ADGRF1: variants seen among roughly 807,000 people sequenced by gnomAD.
ADGRF1 encodes G protein-coupled receptor 110.
A neutral mutation model predicts 87.2 loss-of-function variants in ADGRF1; 85 were observed. The observed-to-expected ratio is 0.97, with a 90% CI of 0.82 to 1.17. The LOEUF is 1.17. ADGRF1 is among the 50% of genes most tolerant of loss of function. The pLI is 0.00. For missense variants in ADGRF1, 1,169 were observed against 1,077.2 expected, an observed-to-expected ratio of 1.09 and a Z score of -1.19; for synonymous variants, 430 against 408.8, an observed-to-expected ratio of 1.05 and a Z score of -0.63.
At chr6:47,040,012 G>T (rs9463288) in intron 1 of ADGRF1, among the ~76,000 whole-genome samples, 57,652 of 151,850 alleles carry the variant, frequency 0.38, 11,071 homozygotes, top group Middle Eastern at 0.56. Context: ...ATAAAACCAT[G>T]TATCTATCCA....
intron 13 of ADGRF1, among the ~76,000 whole-genome samples, chr6:47,003,487 A>T (rs1779421281): frequency 6.6e-6 from 1 of 152,210 alleles, no homozygotes; most frequent in Non-Finnish European, 1.5e-5. Context: ...GTCTGAATAG[A>T]AAACATTTGC....
At position 46,999,269 on chromosome 6, in the gene ADGRF1, A is replaced by G. The variant is rs564473047; in HGVS notation, c.*953T>C. On this transcript the variant is annotated 3_prime_UTR_variant, in exon 15 of 15. Transcript: ENST00000371253. ...AAAGAAAATAAGGATGTTTTAAGGT[A>G]CCTCCCTGGAAGCTGACAACCAAAT... The G allele has an allele frequency of 4.6e-5, 7 of 152,228 alleles. No homozygotes were observed. The East Asian group carries it at 1.4e-3, about 29-fold the overall frequency. The allele number at this position is 152,228 out of a possible 1,614,324, so 9.4% of individuals were successfully genotyped here.
At chr6:47,014,950 T>C (rs1779821541) in intron 8 of ADGRF1, 106 bp from the exon 9 acceptor site, 1 of 1,389,302 alleles carries the variant, frequency 7.2e-7, no homozygotes, top group Admixed American at 3.2e-5. Context: ...TTTTTGGAGA[T>C]GAAATCCAGG....
At chr6:47,014,867 A>G (rs1779818674) in intron 8 of ADGRF1, 23 bp from the exon 9 acceptor site, 1 of 1,576,946 alleles carries the variant, frequency 6.3e-7, no homozygotes, top group South Asian at 1.2e-5. Flanking sequence ...GAAAACAACA[A>G]AGAAAAATGA....
chr6:47,009,899 G>T lies in ADGRF1; in HGVS notation c.1536C>A (p.Asn512Lys). 1 of 1,614,130 alleles carries T rather than the reference G, an allele frequency of 6.2e-7. No homozygotes were observed. Among genetic ancestry groups the T allele is most frequent in the Non-Finnish European group, 8.5e-7 (1 of 1,179,974 alleles). ...NGPVISTVIQ[N>K]YSINEVFLFF... Reference sequence around the variant, plus strand: ...ATAGGAAAACTTCATTTATGGAATAGTTTTGAATAACCGTGGATATCACAG... The same window carrying T: ...ATAGGAAAACTTCATTTATGGAATATTTTTGAATAACCGTGGATATCACAG... Residue 512 changes from asparagine to lysine, a missense_variant, in exon 11 of 15, where the codon AAC becomes AAA. Asn to Lys is a moderately conservative substitution (Grantham distance 94). Transcript: ENST00000371253.
intron 9 of ADGRF1, 134 bp from the exon 10 acceptor site, chr6:47,012,329 G>C (rs1489128662): frequency 1.4e-6 from 2 of 1,410,802 alleles, no homozygotes; most frequent in Non-Finnish European, 1.9e-6. Flanking sequence ...CATAACAATA[G>C]TAACAAAGGC....
intron 7 of ADGRF1, chr6:47,020,440 G>T: frequency 8.9e-7 from 1 of 1,122,266 alleles, no homozygotes; most frequent in Non-Finnish European, 1.3e-6. Flanking sequence ...AGGTTGCAGG[G>T]TTGCAGTGAG....
chr6:47,038,042 G>A (rs1259096489), intron 1 of ADGRF1, among the ~76,000 whole-genome samples: 2 of 152,080 alleles, frequency 1.3e-5, no homozygotes, highest in South Asian at 2.1e-4. Context: ...TGTATTTTTA[G>A]TAGAGATGTG....
intron 4 of ADGRF1, among the ~76,000 whole-genome samples, chr6:47,024,604 G>A (rs1780169782): frequency 1.3e-5 from 2 of 152,190 alleles, no homozygotes; most frequent in Admixed American, 1.3e-4. Context: ...GTGAGCCACC[G>A]CGCCTGACCC....
At chr6:47,004,750 A>G (rs532670568) in intron 13 of ADGRF1, among the ~76,000 whole-genome samples, 1 of 152,334 alleles carries the variant, frequency 6.6e-6, no homozygotes, top group South Asian at 2.1e-4. Flanking sequence ...TAAATCCCAG[A>G]ATGTGAGAAC....
chr6:47,023,985 C>T, intron 5 of ADGRF1, 59 bp downstream of exon 5: 1 of 1,471,218 alleles, frequency 6.8e-7, no homozygotes, highest in South Asian at 1.2e-5. Flanking sequence ...CAAGCGTCCC[C>T]TCTCTGTTGC....
rs141344795 is a variant in ADGRF1, at chr6:47,032,769, A to G, written c.-43-3665T>C. 3.5e-3 allele frequency among the ~76,000 whole-genome samples: 531 copies of G among 152,320 alleles called. 4 individuals carry two copies. Among genetic ancestry groups the G allele is most frequent in the Non-Finnish European group, 5.2e-3 (354 of 68,032 alleles). On this transcript the variant is annotated intron_variant, in intron 1 of 14. Transcript: ENST00000371253. ...TATTTCAACCTTACCATCAGTTTTT[A>G]TAGTTACTTGCTGGATTGTGTCAGA...
intron 1 of ADGRF1, 150 bp from the exon 2 acceptor site, chr6:47,029,254 G>A: frequency 3.4e-6 from 2 of 585,706 alleles, no homozygotes; most frequent in Non-Finnish European, 6.1e-6. Context: ...GTGACATCAT[G>A]ACTTCTGCTC....
Position 47,028,977 on chromosome 6 carries a change from C to G in ADGRF1, c.69+16G>C. The stretch of plus-strand genomic sequence containing the variant: ...GAGTTAGTTGAGAAGAGATATGAGA[C>G]ATAGCACCAACTCACCCCCAGGAAG... On this transcript the variant is annotated intron_variant, in intron 2 of 14. Coordinates refer to ENST00000371253, the MANE Select transcript of ADGRF1 (RefSeq NM_153840.4). The G allele has an allele frequency of 6.2e-7, 1 of 1,608,130 alleles. No individual in the cohort carries two copies. Among genetic ancestry groups the G allele is most frequent in the Non-Finnish European group, 8.5e-7 (1 of 1,174,560 alleles).
chr6:47,012,120 G>C lies in ADGRF1; in HGVS notation c.1003C>G (p.Arg335Gly). The C allele has an allele frequency of 6.2e-7, 1 of 1,614,028 alleles. No homozygotes were observed. Among genetic ancestry groups the C allele is most frequent in the South Asian group, 1.1e-5 (1 of 91,066 alleles). The change falls in exon 10 of 15, where the codon CGG (arginine) becomes GGG (glycine). Residue 335 changes from arginine to glycine, a missense_variant. Arg to Gly is a moderately radical substitution (Grantham distance 125). Coordinates refer to ENST00000371253, the MANE Select transcript of ADGRF1 (RefSeq NM_153840.4). ...CCCACTGTGGTTGATGGGTTTTGCCGAATGATGACAGAAAGATTTTGCACG... is the reference window on the plus strand; with the variant it reads ...CCCACTGTGGTTGATGGGTTTTGCCCAATGATGACAGAAAGATTTTGCACG... ...SFVQNLSVII[R>G]QNPSTTVGNL...
rs866096306 is a variant in ADGRF1, at chr6:47,016,691, A to G, written c.689T>C (p.Val230Ala). The stretch of plus-strand genomic sequence containing the variant: ...AAGGGCTGTCTTAGCCTTCTCGGCA[A>G]CATGTTCAATGGCTGACAGCAGTTC... ...ASELLSAIEH[V>A]AEKAKTALHK... Residue 230 changes from valine to alanine, a missense_variant, in exon 8 of 15, where the codon GTT (valine) becomes GCT (alanine). Coordinates refer to ENST00000371253, the MANE Select transcript of ADGRF1 (RefSeq NM_153840.4). 1.9e-6 allele frequency: 3 copies of G among 1,612,720 alleles called. No individual in the cohort carries two copies. The highest frequency in any genetic ancestry group is 1.3e-5 in the African/African-American group (1 of 74,918).
chr6:47,005,130 C>T (rs1779484121), intron 13 of ADGRF1, among the ~76,000 whole-genome samples: 1 of 152,192 alleles, frequency 6.6e-6, no homozygotes, highest in Non-Finnish European at 1.5e-5. Flanking sequence ...GAAAGGCCCT[C>T]AGTGCCTCGC....
intron 7 of ADGRF1, chr6:47,020,205 G>T: frequency 1.7e-6 from 2 of 1,210,036 alleles, no homozygotes; most frequent in Non-Finnish European, 2.1e-6. Context: ...CAATATTTAA[G>T]GTCCTAGGCC....
intron 1 of ADGRF1, among the ~76,000 whole-genome samples, chr6:47,034,719 A>G (rs1383939241): frequency 6.6e-6 from 1 of 152,188 alleles, no homozygotes; most frequent in Non-Finnish European, 1.5e-5. Flanking sequence ...CTGGTTACCG[A>G]GAATCTCTGT....
Sources: gnomAD v4.1 joint callset for allele counts (sites outside exome capture counted in the v4.1 genomes callset) on GRCh38, gnomAD v4.1.1 for gene constraint, MANE v1.5 for transcripts, NCBI Gene and HGNC (gene_info 2026-07-23, HGNC 2026-07-21) for gene names.